SUGCT: variants seen among roughly 807,000 people sequenced by gnomAD.
SUGCT encodes succinyl-CoA:glutarate-CoA transferase, also known as succinyl-CoA:glutarate CoA-transferase.
Under a neutral mutation model 55.0 loss-of-function variants are expected in SUGCT, and 41 were observed. That is an observed-to-expected ratio of 0.74 (90% CI 0.58 to 0.97). The LOEUF (loss-of-function observed/expected upper bound fraction) is 0.97, where lower values mean the gene tolerates loss of function less well. Among genes scored for constraint, SUGCT ranks in the 50% least tolerant of loss-of-function variants. SUGCT has a pLI of 0.00. For synonymous variants in SUGCT, 187 were observed against 200.4 expected (o/e 0.93, Z 0.56); for missense variants, 568 against 547.8 (o/e 1.04, Z -0.37).
the SUGCT span, among the ~76,000 whole-genome samples, chr7:40,992,233 C>T: frequency 6.6e-6 from 1 of 152,162 alleles, no homozygotes; most frequent in Admixed American, 6.5e-5. Context: ...TATAGGTTAA[C>T]TTCCAGATAT....
In SUGCT at chr7:40,459,796, AT is replaced by A. The variant is rs1321139702; in HGVS notation, c.986+605del. 1.1e-4 allele frequency among the ~76,000 whole-genome samples: 16 copies of A among 152,146 alleles called. No homozygotes were observed. The East Asian group carries it at 2.1e-3, about 20-fold the overall frequency. ...TAATTAAGTAGAATATTTTATTTCC[AT>A]TTTTTTCCATTAATGTCAGGTTATT... On this transcript the variant is annotated intron_variant, in intron 11 of 13. Transcript: ENST00000335693.
intron 9 of SUGCT, among the ~76,000 whole-genome samples, chr7:40,341,785 TAAAGATGCA>T (rs1797064663): frequency 6.6e-6 from 1 of 152,220 alleles, no homozygotes; most frequent in East Asian, 1.9e-4. Context: ...TCAGAGGCAT[TAAAGATGCA>T]TCCTTCTGAG....
chr7:40,615,284 A>G (rs1482989894), intron 12 of SUGCT, among the ~76,000 whole-genome samples: 1 of 146,332 alleles, frequency 6.8e-6, no homozygotes, highest in Non-Finnish European at 1.5e-5. Flanking sequence ...AATACAATAA[A>G]TATAGATTAA....
At chr7:40,876,191 G>A in the SUGCT span, among the ~76,000 whole-genome samples, 2 of 152,028 alleles carry the variant, frequency 1.3e-5, no homozygotes, top group Admixed American at 1.3e-4. Flanking sequence ...CTCTGGGCAG[G>A]GGAATATTCC....
intron 13 of SUGCT, among the ~76,000 whole-genome samples, chr7:40,850,580 T>C (rs1307343028): frequency 2.0e-5 from 3 of 152,022 alleles, no homozygotes; most frequent in Non-Finnish European, 4.4e-5. Flanking sequence ...TGGGTAATCA[T>C]CCAACCTCCC....
intron 9 of SUGCT, among the ~76,000 whole-genome samples, chr7:40,336,918 A>G (rs1796744367): frequency 6.6e-6 from 1 of 152,150 alleles, no homozygotes; most frequent in Admixed American, 6.5e-5. Context: ...ACACAGCTTT[A>G]AATGTGTCCC....
intron 12 of SUGCT, among the ~76,000 whole-genome samples, chr7:40,515,821 G>A (rs1441717859): frequency 6.6e-6 from 1 of 152,158 alleles, no homozygotes; most frequent in African/African-American, 2.4e-5. Context: ...CCAATGTTCT[G>A]AGTATGTACC....
chr7:41,001,848 G>A, the SUGCT span, among the ~76,000 whole-genome samples: 2 of 152,158 alleles, frequency 1.3e-5, no homozygotes, highest in Admixed American at 1.3e-4. Flanking sequence ...CAGGGATGTA[G>A]CCTCCAGGCA....
At chr7:40,865,752 A>G (rs1374258421), downstream of SUGCT, among the ~76,000 whole-genome samples, 2 of 152,112 alleles carry the variant, frequency 1.3e-5, no homozygotes, top group Non-Finnish European at 1.5e-5. Flanking sequence ...ACTCTTTCTT[A>G]GCAAAGGAAA....
chr7:40,502,359 C>A (rs1027475615), intron 12 of SUGCT, among the ~76,000 whole-genome samples: 2 of 151,714 alleles, frequency 1.3e-5, no homozygotes, highest in Non-Finnish European at 2.9e-5. Flanking sequence ...CATTTTGCAA[C>A]CCAGAATAAA....
chr7:40,504,687 G>A (rs1792490568), intron 12 of SUGCT, among the ~76,000 whole-genome samples: 1 of 152,138 alleles, frequency 6.6e-6, no homozygotes, highest in Non-Finnish European at 1.5e-5. Flanking sequence ...GCACACCTTA[G>A]CCTCCCAGAG....
the SUGCT span, among the ~76,000 whole-genome samples, chr7:40,916,091 A>G: frequency 7.1e-6 from 1 of 140,528 alleles, no homozygotes; most frequent in Non-Finnish European, 1.5e-5. Context: ...ACACACACAC[A>G]CACACACACA....
At chr7:40,799,997 A>G (rs965586807) in intron 13 of SUGCT, among the ~76,000 whole-genome samples, 2 of 152,218 alleles carry the variant, frequency 1.3e-5, no homozygotes, top group Admixed American at 1.3e-4. Flanking sequence ...CAAGTGCTAC[A>G]GTGGCTCCAC....
intron 12 of SUGCT, among the ~76,000 whole-genome samples, chr7:40,659,789 G>A (rs997218547): frequency 2.6e-5 from 4 of 152,096 alleles, no homozygotes; most frequent in African/African-American, 9.7e-5. Flanking sequence ...ACTTGACTTG[G>A]GGTGAGGGAC....
At chr7:40,428,487 T>C (rs1461260627) in intron 9 of SUGCT, among the ~76,000 whole-genome samples, 1 of 151,176 alleles carries the variant, frequency 6.6e-6, no homozygotes, top group Non-Finnish European at 1.5e-5. Flanking sequence ...GTTTAATTTA[T>C]TTTTGTAGTT....
At chr7:40,857,463 A>G (rs1794241469) in intron 13 of SUGCT, among the ~76,000 whole-genome samples, 1 of 152,178 alleles carries the variant, frequency 6.6e-6, no homozygotes, top group African/African-American at 2.4e-5. Flanking sequence ...ATACCATTTT[A>G]CCAACCTAAA....
intron 12 of SUGCT, among the ~76,000 whole-genome samples, chr7:40,603,944 G>C: frequency 6.6e-6 from 1 of 151,978 alleles, no homozygotes; most frequent in Non-Finnish European, 1.5e-5. Flanking sequence ...TATCCTTAGC[G>C]CTATTTACAG....
chr7:40,455,883 A>G (rs1270246876), intron 10 of SUGCT, among the ~76,000 whole-genome samples: 3 of 152,240 alleles, frequency 2.0e-5, no homozygotes, highest in Non-Finnish European at 4.4e-5. Context: ...GTGTTGTGCC[A>G]GTAATGCACT....
intron 13 of SUGCT, among the ~76,000 whole-genome samples, chr7:40,858,939 CA>C (rs1794340093): frequency 6.6e-6 from 1 of 152,170 alleles, no homozygotes; most frequent in East Asian, 1.9e-4. Context: ...TCAACAGTGG[CA>C]AGTGCAAAAG....
Sources: allele counts gnomAD v4.1 joint callset (sites outside exome capture counted in the v4.1 genomes callset), GRCh38; gene constraint gnomAD v4.1.1; transcripts MANE v1.5; gene names NCBI Gene and HGNC (gene_info 2026-07-23, HGNC 2026-07-21).